The following YY1AP1 variants were observed in gnomAD, a reference collection of about 807,000 sequenced individuals.
The protein encoded by YY1AP1 is YY1-associated protein 1.
In YY1AP1, 43 loss-of-function variants were observed where a neutral mutation model predicts 39.9. That is an observed-to-expected ratio of 1.08 (90% CI 0.84 to 1.39). YY1AP1 has a LOEUF of 1.39. YY1AP1 is among the 40% of genes most tolerant of loss of function. The pLI is 0.00. For synonymous variants in YY1AP1, 292 were observed against 331.3 expected (o/e 0.88, Z 1.29); for missense variants, 813 against 900.7 (o/e 0.90, Z 1.25).
intron 5 of YY1AP1, 39 bp downstream of exon 5, chr1:155,676,509 G>A (rs1288130547): frequency 6.2e-7 from 1 of 1,610,190 alleles, no homozygotes; most frequent in Non-Finnish European, 8.5e-7. Flanking sequence ...GTTAGGCCTT[G>A]GTATAATTCA....
chr1:155,662,441 T>C (rs879903154), intron 9 of YY1AP1, among the ~76,000 whole-genome samples: 32 of 151,494 alleles, frequency 2.1e-4, no homozygotes, highest in Admixed American at 7.9e-4. Flanking sequence ...AGGGTGGAGA[T>C]TGCAGTGAGC....
At chr1:155,662,094 C>T (rs1265825009) in intron 9 of YY1AP1, among the ~76,000 whole-genome samples, 1 of 151,784 alleles carries the variant, frequency 6.6e-6, no homozygotes, top group East Asian at 1.9e-4. Flanking sequence ...GCAAAGACAG[C>T]ATCGTAATCT....
chr1:155,666,212 C>A (rs898913461), intron 9 of YY1AP1, among the ~76,000 whole-genome samples: 1 of 151,954 alleles, frequency 6.6e-6, no homozygotes, highest in Non-Finnish European at 1.5e-5. Flanking sequence ...AGCTCCACCT[C>A]CCGGGTTCAC....
At position 155,688,764 on chromosome 1, in the gene YY1AP1, C is replaced by T. The variant is rs1438994799; in HGVS notation, c.-257G>A. On this transcript the variant is annotated 5_prime_UTR_variant, in exon 1 of 11. Transcript: ENST00000355499. Reference sequence around the variant, plus strand: ...CCGCCAAAGCAGCCGCCGCCAGCACCCCCACCCTACACTCCTCGCGCGTGC... The same window carrying T: ...CCGCCAAAGCAGCCGCCGCCAGCACTCCCACCCTACACTCCTCGCGCGTGC... 6.5e-7 allele frequency: 1 copy of T among 1,528,268 alleles called. No individual in the cohort carries two copies. Among genetic ancestry groups the T allele is most frequent in the Non-Finnish European group, 8.8e-7 (1 of 1,141,870 alleles). 94.7% of individuals were successfully genotyped at this position (1,528,268 alleles called of 1,614,324 possible).
In YY1AP1 at chr1:155,665,327, G is replaced by GT. The variant is rs111783133; in HGVS notation, c.879+3299dup. 6.6e-5 allele frequency among the ~76,000 whole-genome samples: 10 copies of GT among 151,882 alleles called. 1 individual carries two copies. Among genetic ancestry groups the GT allele is most frequent in the African/African-American group, 2.4e-4 (10 of 41,436 alleles). On this transcript the variant is annotated intron_variant, in intron 9 of 10. Coordinates refer to ENST00000355499, the MANE Select transcript of YY1AP1 (RefSeq NM_139119.3). ...GAATGTGTTCCACTAAAGTAAAGAAGTAATACTCACGCCTGTAATCCCAGC... is the reference window on the plus strand; with the variant it reads ...GAATGTGTTCCACTAAAGTAAAGAAGTTAATACTCACGCCTGTAATCCCAGC...
In YY1AP1 at chr1:155,660,783, C is replaced by G; in HGVS notation, c.1127G>C (p.Ser376Thr). The G allele has an allele frequency of 6.2e-7, 1 of 1,614,212 alleles. No homozygotes were observed. The highest frequency in any genetic ancestry group is 1.7e-5 in the Admixed American group (1 of 60,030). ...CAATAGCAGTGGGTACCGAGTTTCACTCCCCAACTCTGAGTTGTCTTTTTC... is the reference window on the plus strand; with the variant it reads ...CAATAGCAGTGGGTACCGAGTTTCAGTCCCCAACTCTGAGTTGTCTTTTTC... The part of the protein sequence containing the change: ...GLEKDNSELG[S>T]ETRYPLLLPK... The change falls in exon 11 of 11, where the codon AGT becomes ACT. Residue 376 changes from serine (S) to threonine (T), a missense_variant. Physicochemically the swap from Ser to Thr is moderately conservative, Grantham distance 58. Around this residue, in one of 3 missense-constraint regions of YY1AP1, gnomAD observed 586 missense variants for 647.4 expected, o/e 0.91. Coordinates refer to ENST00000355499, the MANE Select transcript of YY1AP1 (RefSeq NM_139119.3).
intron 6 of YY1AP1, among the ~76,000 whole-genome samples, chr1:155,673,693 G>A (rs906707023): frequency 1.3e-5 from 2 of 151,918 alleles, no homozygotes; most frequent in African/African-American, 2.4e-5. Flanking sequence ...ACAGGCACTC[G>A]GCACCATCCC....
chr1:155,664,343 C>T (rs1374650828), intron 9 of YY1AP1, among the ~76,000 whole-genome samples: 4 of 151,798 alleles, frequency 2.6e-5, no homozygotes, highest in African/African-American at 9.7e-5. Flanking sequence ...TCCCATGTAC[C>T]CTTCAACCAG....
In YY1AP1 at chr1:155,676,719, T is replaced by C. The variant is rs954744119; in HGVS notation, c.153A>G (p.Leu51=). The C allele has an allele frequency of 6.2e-7, 1 of 1,614,164 alleles. No homozygotes were observed. Among genetic ancestry groups the C allele is most frequent in the Non-Finnish European group, 8.5e-7 (1 of 1,180,012 alleles). The change falls in exon 5 of 11, where the codon CTA becomes CTG. Residue 51 remains leucine, a synonymous_variant. Transcript: ENST00000355499. ...CCTTCGCTATCTGATGTTGTTCATT[T>C]AGTAGGTTGGCCAGTAGTTCCTCAA... is the stretch of plus-strand genomic sequence containing the variant. The part of the protein sequence containing the change: ...LRFEELLANL[L]NEQHQIAKEL...
intron 9 of YY1AP1, 49 bp from the exon 10 acceptor site, chr1:155,661,472 G>A (rs757279962): frequency 6.2e-7 from 1 of 1,610,652 alleles, no homozygotes; most frequent in East Asian, 2.2e-5. Context: ...TGGAAACACT[G>A]TCTTCTGTCA....
intron 2 of YY1AP1, among the ~76,000 whole-genome samples, chr1:155,681,842 AT>A (rs57371049): frequency 0.3 from 41,741 of 137,598 alleles, 6,337 homozygotes; most frequent in East Asian, 0.66. Flanking sequence ...TACATTGAGG[AT>A]TTTTTTTTTT....
chr1:155,676,479 G>C (rs1241309118), intron 5 of YY1AP1, 69 bp downstream of exon 5: 4 of 1,576,520 alleles, frequency 2.5e-6, no homozygotes, highest in Non-Finnish European at 3.5e-6. Context: ...GCTAATTTTA[G>C]ATTATACCAA....
chr1:155,661,067 A>C, intron 10 of YY1AP1, 154 bp from the exon 11 acceptor site: 1 of 1,475,182 alleles, frequency 6.8e-7, no homozygotes, highest in Non-Finnish European at 9.1e-7. Flanking sequence ...CCAATTATAC[A>C]CTTTAGAAAC....
rs775549264 is a variant in YY1AP1, at chr1:155,679,487, T to C, written c.47A>G (p.Asn16Ser). 7.5e-5 allele frequency: 121 copies of C among 1,614,108 alleles called. No homozygotes were observed. Among genetic ancestry groups the C allele is most frequent in the South Asian group, 9.9e-5 (9 of 91,088 alleles). ...CTCTTCTGGGCCATCATCTTCCATG[T>C]TGGAGAATCCCATCTCATCTTGGAA... ...ETFQDEMGFS[N>S]MEDDGPEEEE... The change falls in exon 4 of 11, where the codon AAC (asparagine) becomes AGC (serine). Residue 16 changes from asparagine (N) to serine (S), a missense_variant. Transcript: ENST00000355499.
intron 2 of YY1AP1, among the ~76,000 whole-genome samples, chr1:155,686,768 T>C (rs1363707345): frequency 6.6e-6 from 1 of 152,144 alleles, no homozygotes; most frequent in African/African-American, 2.4e-5. Context: ...AATATAGCCA[T>C]GGATATGCAT....
At chr1:155,688,456 TC>T (rs1399483893) in intron 1 of YY1AP1, 1 of 1,549,318 alleles carries the variant, frequency 6.5e-7, no homozygotes, top group Non-Finnish European at 8.7e-7. Context: ...TTCGCCCGAC[TC>T]CGGCCATGTA....
In YY1AP1 at chr1:155,661,327, G is replaced by A. The variant is rs765633658; in HGVS notation, c.976C>T (p.Arg326Trp). The A allele has an allele frequency of 6.2e-6, 10 of 1,613,674 alleles. No individual in the cohort carries two copies. The highest frequency in any genetic ancestry group is 2.2e-5 in the South Asian group (2 of 91,062). The part of the protein sequence containing the change: ...WKPPIEREEH[R>W]LPFWLKASLP... ...TGTACCTTTAACCAGAATGGGAGCC[G>A]GTGTTCTTCTCTCTCTATAGGTGGC... Residue 326 changes from arginine (R) to tryptophan (W), a missense_variant, in exon 10 of 11, where the codon CGG becomes TGG. By Grantham distance (101) the Arg-to-Trp change is moderately radical. Transcript: ENST00000355499.
intron 8 of YY1AP1, among the ~76,000 whole-genome samples, 180 bp downstream of exon 8, chr1:155,670,140 T>A (rs1649631627): frequency 6.6e-6 from 1 of 152,046 alleles, no homozygotes; most frequent in Non-Finnish European, 1.5e-5. Flanking sequence ...GTGTGTAACA[T>A]CCCCCCAAAA....
chr1:155,668,876 G>A, intron 8 of YY1AP1, 99 bp from the exon 9 acceptor site: 1 of 1,568,032 alleles, frequency 6.4e-7, no homozygotes. Flanking sequence ...TTTCTTACTT[G>A]TTCTTAAAAC....
Sources: gnomAD v4.1 joint callset for allele counts (sites outside exome capture counted in the v4.1 genomes callset) on GRCh38, gnomAD v4.1.1 for gene constraint, gnomAD v4.1.1 regional missense constraint, MANE v1.5 for transcripts, NCBI Gene and HGNC (gene_info 2026-07-23, HGNC 2026-07-21) for gene names.